The following RGSL1 variants were observed in gnomAD, a reference collection of about 807,000 sequenced individuals.
RGSL1 encodes the protein regulator of G protein signaling protein-like.
In RGSL1, 97 loss-of-function variants were observed where a neutral mutation model predicts 124.7. The ratio of observed to expected loss-of-function variants is 0.78; its 90% CI spans 0.66 to 0.92. The LOEUF is 0.92. RGSL1 is among the 40% of genes least tolerant of loss of function. The pLI is 0.00. For synonymous variants in RGSL1, 424 were observed against 438.1 expected, an observed-to-expected ratio of 0.97 and a Z score of 0.40; for missense variants, 1,233 against 1,288.4, an observed-to-expected ratio of 0.96 and a Z score of 0.66.
At chr1:182,469,760 T>C (rs1401944867) in intron 4 of RGSL1, among the ~76,000 whole-genome samples, 1 of 152,152 alleles carries the variant, frequency 6.6e-6, no homozygotes, top group African/African-American at 2.4e-5. Flanking sequence ...CAAGAAACCA[T>C]CAATGGATGA....
Position 182,548,350 on chromosome 1 carries a change from G to A in RGSL1, c.2703G>A (p.Leu901=). The part of the protein sequence containing the change: ...FNDLVSSAHM[L]QVNRAYNEND... Reference sequence around the variant, plus strand: ...ATCTGGTCAGTTCAGCCCACATGCTGCAGGTCAACCGGGCATATAATGAGA... The same window carrying A: ...ATCTGGTCAGTTCAGCCCACATGCTACAGGTCAACCGGGCATATAATGAGA... Residue 901 remains leucine, a synonymous_variant, in exon 16 of 22, where the codon CTG becomes CTA. Transcript: ENST00000294854. 6.4e-7 allele frequency: 1 copy of A among 1,552,024 alleles called. No homozygotes were observed. The highest frequency in any genetic ancestry group is 8.7e-7 in the Non-Finnish European group (1 of 1,147,062).
At chr1:182,534,778 G>T (rs940003164) in intron 14 of RGSL1, among the ~76,000 whole-genome samples, 1 of 151,480 alleles carries the variant, frequency 6.6e-6, no homozygotes, top group African/African-American at 2.4e-5. Flanking sequence ...AGTGATCCGA[G>T]ATTGCACCAC....
intron 9 of RGSL1, among the ~76,000 whole-genome samples, chr1:182,519,874 T>C (rs554632): frequency 6.6e-6 from 1 of 151,664 alleles, no homozygotes; most frequent in Non-Finnish European, 1.5e-5. Flanking sequence ...CTTTTCTTAC[T>C]TATAATCATT....
At chr1:182,528,975 A>T (rs1305211337) in intron 11 of RGSL1, among the ~76,000 whole-genome samples, 1 of 152,140 alleles carries the variant, frequency 6.6e-6, no homozygotes, top group Non-Finnish European at 1.5e-5. Context: ...AAACCATCAG[A>T]TCTCATGAGA....
chr1:182,476,018 C>T (rs571597777), intron 6 of RGSL1, among the ~76,000 whole-genome samples: 1 of 152,220 alleles, frequency 6.6e-6, no homozygotes, highest in South Asian at 2.1e-4. Context: ...CAAAGCCATG[C>T]AGCTAGCTAG....
At chr1:182,460,266 A>T in intron 4 of RGSL1, 133 bp downstream of exon 4, 1 of 1,254,570 alleles carries the variant, frequency 8.0e-7, no homozygotes, top group Non-Finnish European at 1.1e-6. Flanking sequence ...AGGAAGTCAC[A>T]CTTCATAATG....
intron 21 of RGSL1, 96 bp from the exon 22 acceptor site, chr1:182,560,183 G>T (rs913153328): frequency 1.3e-5 from 2 of 152,134 alleles, no homozygotes; most frequent in African/African-American, 4.8e-5. Context: ...CAGTTGTGAC[G>T]ACCACCATAA....
At chr1:182,513,346 G>A (rs1657609237) in intron 9 of RGSL1, among the ~76,000 whole-genome samples, 1 of 152,194 alleles carries the variant, frequency 6.6e-6, no homozygotes, top group Admixed American at 6.5e-5. Flanking sequence ...ACCATTTGGA[G>A]TTTGATGTCC....
At chr1:182,529,459 G>T (rs948793466) in intron 11 of RGSL1, among the ~76,000 whole-genome samples, 2 of 152,140 alleles carry the variant, frequency 1.3e-5, no homozygotes, top group Non-Finnish European at 2.9e-5. Flanking sequence ...GAAAATCTTT[G>T]TTTCATAAGT....
chr1:182,502,847 T>C (rs146353279), intron 9 of RGSL1, among the ~76,000 whole-genome samples: 298 of 152,294 alleles, frequency 2.0e-3, no homozygotes, highest in African/African-American at 6.7e-3. Flanking sequence ...CTGCATCCCA[T>C]AGGTTTTGGC....
At chr1:182,558,190 C>A (rs2102348593) in intron 21 of RGSL1, among the ~76,000 whole-genome samples, 1 of 152,236 alleles carries the variant, frequency 6.6e-6, no homozygotes, top group South Asian at 2.1e-4. Context: ...GCATTCCTTG[C>A]TTTAATATTT....
intron 4 of RGSL1, among the ~76,000 whole-genome samples, chr1:182,467,345 T>C (rs531495182): frequency 6.6e-6 from 1 of 152,316 alleles, no homozygotes; most frequent in East Asian, 1.9e-4. Flanking sequence ...GCTGGAGGCA[T>C]CATGTTATCT....
At chr1:182,538,172 G>A (rs1160903710) in intron 14 of RGSL1, among the ~76,000 whole-genome samples, 3 of 152,084 alleles carry the variant, frequency 2.0e-5, no homozygotes, top group Admixed American at 2.0e-4. Context: ...AAATCGTTTC[G>A]GAAGGGAGGA....
At chr1:182,550,266 C>A (rs568598453) in intron 17 of RGSL1, 3 of 152,058 alleles carry the variant, frequency 2.0e-5, no homozygotes, top group African/African-American at 7.3e-5. Context: ...AACCAGGTCT[C>A]TTGGTCTCTC....
At chr1:182,508,413 C>T (rs563259588) in intron 9 of RGSL1, among the ~76,000 whole-genome samples, 1 of 148,022 alleles carries the variant, frequency 6.8e-6, no homozygotes, top group Non-Finnish European at 1.5e-5. Context: ...GATTCTCCTG[C>T]CTCAGCCTCC....
In RGSL1 at chr1:182,486,157, A is replaced by G. The variant is rs1467786822; in HGVS notation, c.1432-2128A>G. ...CTAACGAAAAACTATTAAAACTATT[A>G]TAGGGTTTTTAGATGCTGTTTTATC... On this transcript the variant is annotated intron_variant, in intron 6 of 21. Transcript: ENST00000294854. Among the ~76,000 whole-genome samples, 5 of 152,164 alleles carry G rather than the reference A, an allele frequency of 3.3e-5. No individual in the cohort carries two copies. In the East Asian group the frequency reaches 7.7e-4, roughly 23 times the overall value.
intron 6 of RGSL1, among the ~76,000 whole-genome samples, chr1:182,475,712 A>G (rs774823188): frequency 2.2e-5 from 3 of 134,320 alleles, no homozygotes; most frequent in Non-Finnish European, 3.4e-5. Context: ...CTGCCAGGAC[A>G]CCTCATCTGA....
intron 4 of RGSL1, among the ~76,000 whole-genome samples, chr1:182,469,787 T>A (rs1313236962): frequency 2.6e-5 from 4 of 152,126 alleles, no homozygotes; most frequent in Non-Finnish European, 4.4e-5. Context: ...AAGCAAAATG[T>A]GAGATTTTAA....
chr1:182,536,000 C>A (rs1468292718), intron 14 of RGSL1, among the ~76,000 whole-genome samples: 1 of 152,106 alleles, frequency 6.6e-6, no homozygotes, highest in Non-Finnish European at 1.5e-5. Context: ...ACAGTTTTAT[C>A]TTTTAAAGAA....
Sources: gnomAD v4.1 joint callset for allele counts (sites outside exome capture counted in the v4.1 genomes callset) on GRCh38, gnomAD v4.1.1 for gene constraint, MANE v1.5 for transcripts, NCBI Gene and HGNC (gene_info 2026-07-23, HGNC 2026-07-21) for gene names.